FAM110B: variants seen among roughly 807,000 people sequenced by gnomAD.
The protein encoded by FAM110B is family with sequence similarity 110 member B, also known as protein FAM110B.
A neutral mutation model predicts 20.4 loss-of-function variants in FAM110B; 6 were observed. The observed-to-expected ratio is 0.29, with a 90% CI of 0.16 to 0.58. The LOEUF (loss-of-function observed/expected upper bound fraction) is 0.58. FAM110B is among the 20% of genes least tolerant of loss of function. The probability of loss-of-function intolerance (pLI) is 0.90; values close to 1 mark genes in which losing one functional copy is unlikely to be tolerated. For missense variants in FAM110B, 434 were observed against 498.2 expected (o/e 0.87, Z 1.23); for synonymous variants, 226 against 214.1 (o/e 1.06, Z -0.49).
chr8:58,046,320 T>C (rs1805319778), intron 2 of FAM110B, among the ~76,000 whole-genome samples: 1 of 152,214 alleles, frequency 6.6e-6, no homozygotes, highest in Non-Finnish European at 1.5e-5. Context: ...GTGTTAGTAA[T>C]TCAGTCTTCT....
intron 3 of FAM110B, among the ~76,000 whole-genome samples, chr8:58,122,474 A>C (rs1373784561): frequency 2.0e-5 from 3 of 152,078 alleles, no homozygotes; most frequent in Non-Finnish European, 4.4e-5. Flanking sequence ...TGGATCCTCT[A>C]ATTTTTATGA....
chr8:58,057,086 T>A (rs1267050462), intron 2 of FAM110B, among the ~76,000 whole-genome samples: 1 of 152,190 alleles, frequency 6.6e-6, no homozygotes, highest in Non-Finnish European at 1.5e-5. Flanking sequence ...ACCACTTGAT[T>A]TATTTACACC....
chr8:58,036,743 G>T (rs1333764167), intron 2 of FAM110B, among the ~76,000 whole-genome samples: 1 of 152,164 alleles, frequency 6.6e-6, no homozygotes, highest in African/African-American at 2.4e-5. Context: ...TTGGACTTCA[G>T]CTGTAATTGA....
chr8:58,138,374 C>A (rs1050714006), intron 3 of FAM110B, among the ~76,000 whole-genome samples: 2 of 152,196 alleles, frequency 1.3e-5, no homozygotes, highest in African/African-American at 4.8e-5. Flanking sequence ...CCGAGCAAAC[C>A]CTCATTTTTG....
chr8:58,038,568 A>G (rs1172314124), intron 2 of FAM110B, among the ~76,000 whole-genome samples: 1 of 152,192 alleles, frequency 6.6e-6, no homozygotes, highest in Non-Finnish European at 1.5e-5. Flanking sequence ...CCTGGCCAAC[A>G]TGGTGAAACC....
At chr8:58,002,836 C>G (rs1360145872) in intron 1 of FAM110B, among the ~76,000 whole-genome samples, 2 of 152,158 alleles carry the variant, frequency 1.3e-5, no homozygotes, top group Non-Finnish European at 2.9e-5. Flanking sequence ...GCTGGAGGTT[C>G]TTGCCTTAGT....
intron 3 of FAM110B, among the ~76,000 whole-genome samples, chr8:58,086,226 T>G (rs1419175461): frequency 6.6e-6 from 1 of 152,174 alleles, no homozygotes; most frequent in Admixed American, 6.5e-5. Flanking sequence ...TCTCTTACTT[T>G]TAGCAGTCTT....
intron 2 of FAM110B, among the ~76,000 whole-genome samples, chr8:58,043,906 A>G (rs1805271501): frequency 1.3e-5 from 2 of 152,250 alleles, no homozygotes; most frequent in African/African-American, 4.8e-5. Context: ...AGGTACTTGC[A>G]TCCAATCAGA....
Position 58,147,068 on chromosome 8 carries a change from T to G in FAM110B, c.838T>G (p.Tyr280Asp). The change falls in exon 4 of 4, where the codon TAC becomes GAC. Residue 280 changes from tyrosine to aspartate, a missense_variant. Physicochemically the swap from Tyr to Asp is radical, Grantham distance 160. Around this residue, in one of 3 missense-constraint regions of FAM110B, gnomAD observed 94 missense variants for 137.8 expected, o/e 0.68. Transcript: ENST00000519262. ...VDADVERFFN[Y>D]CGLDPEELEN... ...CGCGGACGTGGAGAGGTTCTTCAAC[T>G]ACTGTGGACTGGACCCGGAAGAGCT... is the stretch of plus-strand genomic sequence containing the variant. The G allele has an allele frequency of 6.2e-7, 1 of 1,614,200 alleles. No individual in the cohort carries two copies. Among genetic ancestry groups the G allele is most frequent in the Non-Finnish European group, 8.5e-7 (1 of 1,180,036 alleles).
chr8:58,097,890 C>G (rs931555154), intron 3 of FAM110B, among the ~76,000 whole-genome samples: 8 of 152,236 alleles, frequency 5.3e-5, no homozygotes, highest in African/African-American at 1.7e-4. Context: ...CCAGCAGAGG[C>G]TGCAGAACAG....
At chr8:58,023,850 G>A (rs758278362) in intron 1 of FAM110B, among the ~76,000 whole-genome samples, 8 of 152,166 alleles carry the variant, frequency 5.3e-5, no homozygotes, top group South Asian at 2.1e-4. Context: ...ATACTAAGCC[G>A]TGTCTGAGTA....
chr8:58,069,565 A>C (rs1805844344), intron 2 of FAM110B, among the ~76,000 whole-genome samples: 1 of 152,122 alleles, frequency 6.6e-6, no homozygotes, highest in African/African-American at 2.4e-5. Flanking sequence ...TTTTACAATA[A>C]CTTCTGAGAT....
intron 2 of FAM110B, among the ~76,000 whole-genome samples, chr8:58,063,763 A>C (rs1429009880): frequency 6.6e-6 from 1 of 152,138 alleles, no homozygotes; most frequent in Non-Finnish European, 1.5e-5. Context: ...TAACTTTACA[A>C]TGTTCTATTA....
intron 1 of FAM110B, among the ~76,000 whole-genome samples, chr8:58,009,293 C>A (rs1804479320): frequency 6.6e-6 from 1 of 152,160 alleles, no homozygotes; most frequent in Admixed American, 6.5e-5. Flanking sequence ...TTGATAATAA[C>A]CTGAGAGTTT....
chr8:58,119,887 T>C (rs973180039), intron 3 of FAM110B, among the ~76,000 whole-genome samples: 1 of 152,206 alleles, frequency 6.6e-6, no homozygotes, highest in Admixed American at 6.5e-5. Flanking sequence ...GTTATTATCA[T>C]TGCTCTTTTA....
chr8:58,084,004 G>A (rs548565078), intron 3 of FAM110B, among the ~76,000 whole-genome samples: 6 of 152,258 alleles, frequency 3.9e-5, no homozygotes, highest in African/African-American at 1.2e-4. Context: ...CCGGATCAAT[G>A]GCATATGAGA....
At chr8:58,075,892 T>C (rs1806026516) in intron 3 of FAM110B, among the ~76,000 whole-genome samples, 1 of 152,238 alleles carries the variant, frequency 6.6e-6, no homozygotes, top group Non-Finnish European at 1.5e-5. Context: ...TAGTTATTAG[T>C]TTGTTAAATG....
chr8:58,130,096 C>T (rs553538142), intron 3 of FAM110B, among the ~76,000 whole-genome samples: 11 of 152,204 alleles, frequency 7.2e-5, no homozygotes, highest in African/African-American at 2.6e-4. Flanking sequence ...ATAGGAATCC[C>T]CTCTAAAATT....
chr8:58,008,489 G>A (rs969194027), intron 1 of FAM110B, among the ~76,000 whole-genome samples: 9 of 152,120 alleles, frequency 5.9e-5, no homozygotes, highest in African/African-American at 2.2e-4. Flanking sequence ...TATTCATGGT[G>A]TACAGCTTGG....
Sources: gnomAD v4.1 joint callset for allele counts (sites outside exome capture counted in the v4.1 genomes callset) on GRCh38, gnomAD v4.1.1 for gene constraint, gnomAD v4.1.1 regional missense constraint, MANE v1.5 for transcripts, NCBI Gene and HGNC (gene_info 2026-07-23, HGNC 2026-07-21) for gene names.